ZNF536: variants seen among roughly 807,000 people sequenced by gnomAD.
ZNF536 encodes zinc finger protein 536.
A neutral mutation model predicts 84.5 loss-of-function variants in ZNF536; 13 were observed. That is an observed-to-expected ratio of 0.15 (90% CI 0.10 to 0.24). The LOEUF is 0.24. ZNF536 is among the 10% of genes least tolerant of loss of function. The pLI, the probability that ZNF536 is intolerant of heterozygous loss-of-function variation, is 1.00. For synonymous variants in ZNF536, 811 were observed against 742.5 expected (o/e 1.09, Z -1.50); for missense variants, 1,536 against 1,747.5 (o/e 0.88, Z 2.16).
At chr19:30,264,336 G>A (rs942632741) in intron 1 of ZNF536, among the ~76,000 whole-genome samples, 2 of 152,110 alleles carry the variant, frequency 1.3e-5, no homozygotes, top group Non-Finnish European at 2.9e-5. Context: ...TGCTGTGGGG[G>A]AGGGGGTTTC....
chr19:30,552,966 TA>T (rs1415991021), intron 4 of ZNF536, among the ~76,000 whole-genome samples: 2 of 152,212 alleles, frequency 1.3e-5, no homozygotes, highest in Non-Finnish European at 2.9e-5. Flanking sequence ...CAGATCCCAC[TA>T]GGGGTCTGAT....
intron 1 of ZNF536, among the ~76,000 whole-genome samples, chr19:30,273,896 C>T (rs2025987493): frequency 6.6e-6 from 1 of 152,158 alleles, no homozygotes. Context: ...TTCATTAACA[C>T]ATATGCATGC....
chr19:30,351,307 C>T, intron 2 of ZNF536, among the ~76,000 whole-genome samples: 1 of 152,170 alleles, frequency 6.6e-6, no homozygotes, highest in Non-Finnish European at 1.5e-5. Flanking sequence ...ATCCTTGGAA[C>T]CCTGTCAGCT....
At chr19:30,613,285 C>T (rs1043211860) in intron 1 of ZNF536, among the ~76,000 whole-genome samples, 25 of 152,118 alleles carry the variant, frequency 1.6e-4, no homozygotes, top group Non-Finnish European at 3.1e-4. Context: ...TGAGACAACA[C>T]GGGTCCTTTT....
chr19:30,359,892 C>G (rs1412941667), intron 3 of ZNF536, among the ~76,000 whole-genome samples: 1 of 152,172 alleles, frequency 6.6e-6, no homozygotes, highest in Non-Finnish European at 1.5e-5. Context: ...CTACACTGAC[C>G]CTGGGACAGG....
At chr19:30,688,240 G>A (rs975355803) in intron 1 of ZNF536, among the ~76,000 whole-genome samples, 3 of 152,102 alleles carry the variant, frequency 2.0e-5, no homozygotes, top group Non-Finnish European at 2.9e-5. Context: ...TCAGGTGCCC[G>A]GATCTCTCCT....
downstream of ZNF536, among the ~76,000 whole-genome samples, chr19:30,559,913 G>A (rs1255713216): frequency 6.6e-6 from 1 of 152,114 alleles, no homozygotes; most frequent in East Asian, 1.9e-4. Flanking sequence ...TTGCTCCCCG[G>A]TGGAAACTTC....
rs528678887 is a variant in ZNF536 at position 30,542,084 on chromosome 19, A to G, written c.2324-5859A>G. ...CAGTTGCTCAACTTAAAAGTGAAAC[A>G]CTTTTGGAGATTTAGCAAAAAAAAC... On this transcript the variant is annotated intron_variant, in intron 3 of 4. Coordinates refer to ENST00000355537, the MANE Select transcript of ZNF536 (RefSeq NM_014717.3). Among the ~76,000 whole-genome samples the G allele has an allele frequency of 2.6e-5, 4 of 152,336 alleles. No homozygotes were observed. The South Asian group carries it at 6.2e-4, about 24-fold the overall frequency.
Position 30,445,770 on chromosome 19 carries a change from AG to A in ZNF536, c.2170+39del, listed in dbSNP as rs1260137411. Reference sequence around the variant, plus strand: ...AGAAGCGGGGAGAAGCAGCTTGTACAGCAGCCCTGCTCAGGGCTGCCTGGTT... The same window carrying A: ...AGAAGCGGGGAGAAGCAGCTTGTACACAGCCCTGCTCAGGGCTGCCTGGTT... On this transcript the variant is annotated intron_variant, in intron 2 of 4. Transcript: ENST00000355537. This position sits in a 1 kb window ranked among gnomAD's most constrained non-coding sequence, Gnocchi z 4.5. The A allele has an allele frequency of 6.6e-7, 1 of 1,523,916 alleles. No homozygotes were observed. The highest frequency in any genetic ancestry group is 2.1e-5 in the Admixed American group (1 of 46,660). The allele number at this position is 1,523,916 out of a possible 1,614,324, so 94.4% of individuals were successfully genotyped here.
At chr19:30,535,647 G>A (rs73026738) in intron 3 of ZNF536, among the ~76,000 whole-genome samples, 14,406 of 152,022 alleles carry the variant, frequency 0.095, 949 homozygotes, top group Non-Finnish European at 0.14. Flanking sequence ...AGGACTGGCT[G>A]GCAACAGGGA....
chr19:30,481,766 C>G (rs934312078), intron 2 of ZNF536, among the ~76,000 whole-genome samples: 1 of 151,926 alleles, frequency 6.6e-6, no homozygotes, highest in East Asian at 1.9e-4. Context: ...TTGTGGTGCA[C>G]CCATCACCCC....
chr19:30,276,357 C>T (rs1248856603), intron 1 of ZNF536, among the ~76,000 whole-genome samples: 1 of 151,602 alleles, frequency 6.6e-6, no homozygotes, highest in African/African-American at 2.4e-5. Flanking sequence ...ATGTAGATCT[C>T]CTAACAAAGG....
At chr19:30,588,661 T>C (rs1344900735) in intron 1 of ZNF536, among the ~76,000 whole-genome samples, 6 of 152,168 alleles carry the variant, frequency 3.9e-5, no homozygotes, top group Non-Finnish European at 5.9e-5. Context: ...CTCATCACAG[T>C]TTTTAACCCA....
At chr19:30,482,632 A>G (rs2054135486) in intron 2 of ZNF536, among the ~76,000 whole-genome samples, 1 of 152,030 alleles carries the variant, frequency 6.6e-6, no homozygotes, top group Non-Finnish European at 1.5e-5. Flanking sequence ...TATATTCTCT[A>G]CGGTCTGGAA....
At chr19:30,557,087 C>A (rs138883791) in intron 4 of ZNF536, 70 bp from the exon 5 acceptor site, 2 of 1,547,024 alleles carry the variant, frequency 1.3e-6, no homozygotes, top group African/African-American at 2.7e-5. Flanking sequence ...GTGGCCCTGC[C>A]CTTGCTTTCA....
At chr19:30,628,672 A>C (rs1438880950) in intron 1 of ZNF536, among the ~76,000 whole-genome samples, 3 of 151,220 alleles carry the variant, frequency 2.0e-5, no homozygotes, top group Non-Finnish European at 4.4e-5. Context: ...CTCGTGATCC[A>C]CCCACCTTGG....
At chr19:30,288,446 A>G (rs1344680487) in intron 2 of ZNF536, among the ~76,000 whole-genome samples, 1 of 152,190 alleles carries the variant, frequency 6.6e-6, no homozygotes, top group Non-Finnish European at 1.5e-5. Flanking sequence ...GGTGTATGCA[A>G]TGTACCCATC....
At chr19:30,668,138 A>T (rs2050404591) in intron 1 of ZNF536, among the ~76,000 whole-genome samples, 1 of 152,144 alleles carries the variant, frequency 6.6e-6, no homozygotes, top group African/African-American at 2.4e-5. Flanking sequence ...TTAGAAAAAA[A>T]ATTTTTAGTT....
At chr19:30,278,405 G>A (rs1176203518) in intron 1 of ZNF536, among the ~76,000 whole-genome samples, 4 of 152,152 alleles carry the variant, frequency 2.6e-5, no homozygotes, top group Non-Finnish European at 5.9e-5. Context: ...CAAGTGGGGA[G>A]GCCCTGTGAG....
Sources: gnomAD v4.1 joint callset for allele counts (sites outside exome capture counted in the v4.1 genomes callset) on GRCh38, gnomAD v4.1.1 for gene constraint, Gnocchi (gnomAD v3.1) non-coding constraint, MANE v1.5 for transcripts, NCBI Gene and HGNC (gene_info 2026-07-23, HGNC 2026-07-21) for gene names.